IQGAP1: variants seen among roughly 807,000 people sequenced by gnomAD.
The protein encoded by IQGAP1 is IQ motif containing GTPase activating protein 1, also known as ras GTPase-activating-like protein IQGAP1.
Under a neutral mutation model 215.6 loss-of-function variants are expected in IQGAP1, and 66 were observed. That is an observed-to-expected ratio of 0.31 (90% confidence interval 0.25 to 0.38). The LOEUF (loss-of-function observed/expected upper bound fraction) is 0.38, where lower values mean the gene tolerates loss of function less well. Ranked by LOEUF, IQGAP1 falls within the 10% of genes least tolerant of loss-of-function variation. The pLI, the probability that IQGAP1 is intolerant of heterozygous loss-of-function variation, is 1.00. For synonymous variants in IQGAP1, 772 were observed against 728.7 expected (o/e 1.06, Z -0.96); for missense variants, 1,712 against 1,997.1 (o/e 0.86, Z 2.72).
intron 9 of IQGAP1, among the ~76,000 whole-genome samples, chr15:90,443,745 T>A (rs1039112988): frequency 6.6e-6 from 1 of 152,194 alleles, no homozygotes; most frequent in Non-Finnish European, 1.5e-5. Flanking sequence ...TATTACATGC[T>A]TTTAAATATT....
chr15:90,396,442 A>G (rs994347374), intron 2 of IQGAP1, among the ~76,000 whole-genome samples: 2 of 152,176 alleles, frequency 1.3e-5, no homozygotes, highest in African/African-American at 4.8e-5. Context: ...TGGTGACCCA[A>G]GCTCTCTTTG....
chr15:90,408,550 G>T (rs1392351907), intron 2 of IQGAP1, among the ~76,000 whole-genome samples: 2 of 152,176 alleles, frequency 1.3e-5, no homozygotes, highest in Non-Finnish European at 1.5e-5. Flanking sequence ...GATTATTTCT[G>T]ATGGTAGGTC....
chr15:90,422,411 AAAG>A (rs1965149543), intron 2 of IQGAP1, among the ~76,000 whole-genome samples: 1 of 151,960 alleles, frequency 6.6e-6, no homozygotes, highest in Non-Finnish European at 1.5e-5. Context: ...AATTCTAAAT[AAAG>A]AAGAACACCG....
At chr15:90,393,992 G>T (rs1488919014) in intron 2 of IQGAP1, 1 of 152,056 alleles carries the variant, frequency 6.6e-6, no homozygotes, top group Non-Finnish European at 1.5e-5. Context: ...AAAATTAGTC[G>T]GGCGTGGTGG....
At position 90,454,560 on chromosome 15, in the gene IQGAP1, A is replaced by G; in HGVS notation, c.1612+8A>G. 1 of 1,549,554 alleles carries G rather than the reference A, an allele frequency of 6.5e-7. No individual in the cohort carries two copies. Among genetic ancestry groups the G allele is most frequent in the Non-Finnish European group, 8.7e-7 (1 of 1,150,064 alleles). On this transcript the variant is annotated splice_region_variant and intron_variant, in intron 14 of 37. Transcript: ENST00000268182. ...TGCAAGAGGAACATGAGAGTGAGTT[A>G]TCTTCCTGTCCTCCCCAAATAATGT...
intron 2 of IQGAP1, among the ~76,000 whole-genome samples, chr15:90,408,094 A>C (rs937557157): frequency 6.6e-6 from 1 of 152,246 alleles, no homozygotes; most frequent in Non-Finnish European, 1.5e-5. Context: ...GGAAAGCATA[A>C]CACTATGTAT....
At chr15:90,418,826 A>T (rs1235246612) in intron 2 of IQGAP1, among the ~76,000 whole-genome samples, 1 of 152,032 alleles carries the variant, frequency 6.6e-6, no homozygotes, top group Non-Finnish European at 1.5e-5. Flanking sequence ...GTTATTGTTG[A>T]AGGAGGAAGT....
At chr15:90,487,223 C>A in intron 32 of IQGAP1, 134 bp downstream of exon 32, 1 of 824,880 alleles carries the variant, frequency 1.2e-6, no homozygotes, top group Non-Finnish European at 2.0e-6. Flanking sequence ...AGTCACCAAT[C>A]ACCTCGCATA....
chr15:90,421,617 A>T (rs1042246209), intron 2 of IQGAP1, among the ~76,000 whole-genome samples: 6 of 152,218 alleles, frequency 3.9e-5, no homozygotes, highest in Non-Finnish European at 8.8e-5. Flanking sequence ...AGAAGGTGAT[A>T]GTCCTGTTCC....
chr15:90,452,605 G>C (rs910942099), intron 11 of IQGAP1, among the ~76,000 whole-genome samples, 170 bp from the exon 12 acceptor site: 1 of 152,192 alleles, frequency 6.6e-6, no homozygotes, highest in Admixed American at 6.5e-5. Flanking sequence ...ATACCGTACA[G>C]TTCACCCTTC....
Position 90,501,649 on chromosome 15 carries a change from G to C in IQGAP1, c.*1541G>C, listed in dbSNP as rs1279058430. On this transcript the variant is annotated 3_prime_UTR_variant, in exon 38 of 38. Transcript: ENST00000268182. ...TGGTTACAGCCCACAGGGAGGCATG[G>C]AGTGCCATGGAAGGATTCGCCACTA... The C allele has an allele frequency of 6.6e-6, 1 of 152,210 alleles. No homozygotes were observed. Among genetic ancestry groups the C allele is most frequent in the Admixed American group, 6.5e-5 (1 of 15,286 alleles). The allele number at this position is 152,210 out of a possible 1,614,324, so 9.4% of individuals were successfully genotyped here. A position where few individuals can be genotyped will look rare whatever the true frequency, so the allele number is the denominator to read the frequency against.
chr15:90,454,335 T>C (rs1019608704), intron 13 of IQGAP1, 93 bp from the exon 14 acceptor site: 2 of 1,480,204 alleles, frequency 1.4e-6, no homozygotes, highest in African/African-American at 1.4e-5. Flanking sequence ...CTTGAGAATA[T>C]ATCAAATGGT....
At chr15:90,490,194 A>G (rs1966183743) in intron 33 of IQGAP1, among the ~76,000 whole-genome samples, 1 of 152,238 alleles carries the variant, frequency 6.6e-6, no homozygotes, top group Non-Finnish European at 1.5e-5. Flanking sequence ...GGTCACAAAG[A>G]TTTAGGATCT....
chr15:90,468,839 G>A (rs993142318), intron 18 of IQGAP1, among the ~76,000 whole-genome samples: 5 of 152,000 alleles, frequency 3.3e-5, no homozygotes, highest in Non-Finnish European at 7.4e-5. Flanking sequence ...TCAAAAAAAG[G>A]AATATTTAAT....
intron 5 of IQGAP1, among the ~76,000 whole-genome samples, chr15:90,436,299 C>G (rs1397848459): frequency 6.6e-6 from 1 of 152,018 alleles, no homozygotes; most frequent in Non-Finnish European, 1.5e-5. Flanking sequence ...GGATGCTGCC[C>G]CAGGGCTTGC....
In IQGAP1 at chr15:90,404,218, T is replaced by A. The variant is rs77804847; in HGVS notation, c.155+13345T>A. ...TATGCATATTTAGTTCTCAAAAATA[T>A]TGCCAATTTGCTCTCGTAAGAGGTT... On this transcript the variant is annotated intron_variant, in intron 2 of 37. Transcript: ENST00000268182. Among the ~76,000 whole-genome samples the A allele has an allele frequency of 8.6e-3, 1,315 of 152,322 alleles. 39 individuals carry two copies. The East Asian group carries it at 0.11, about 12-fold the overall frequency.
chr15:90,412,395 A>T (rs890000806), intron 2 of IQGAP1, among the ~76,000 whole-genome samples: 1 of 152,120 alleles, frequency 6.6e-6, no homozygotes, highest in East Asian at 1.9e-4. Flanking sequence ...CCTTTCTCCT[A>T]CAACTGCTCA....
chr15:90,440,404 C>G lies in IQGAP1; in HGVS notation c.536-98C>G, dbSNP rs374329238. 5 of 799,342 alleles carry G rather than the reference C, an allele frequency of 6.3e-6. No individual in the cohort carries two copies. The African/African-American group carries it at 7.0e-5, about 11-fold the overall frequency. 49.5% of individuals were successfully genotyped at this position (799,342 alleles called of 1,614,324 possible). ...CTTATAAAACCCTAAAAGGTAAATG[C>G]CATTTTATCCCATTGCATAGTTGAG... On this transcript the variant is annotated intron_variant, in intron 6 of 37. Transcript: ENST00000268182.
intron 1 of IQGAP1, 29 bp from the exon 2 acceptor site, chr15:90,390,745 G>A (rs764740645): frequency 1.4e-6 from 2 of 1,417,864 alleles, no homozygotes; most frequent in East Asian, 2.3e-5. Context: ...ACAGATCCTG[G>A]TGTTTACATT....
Sources: gnomAD v4.1 joint callset for allele counts (sites outside exome capture counted in the v4.1 genomes callset) on GRCh38, gnomAD v4.1.1 for gene constraint, MANE v1.5 for transcripts, NCBI Gene and HGNC (gene_info 2026-07-23, HGNC 2026-07-21) for gene names.